The following CTNND2 variants were observed in gnomAD, a reference collection of about 807,000 sequenced individuals.
CTNND2 encodes catenin delta 2.
In CTNND2, 22 loss-of-function variants were observed where a neutral mutation model predicts 144.4. That is an observed-to-expected ratio of 0.15 (90% CI 0.11 to 0.22). The LOEUF (loss-of-function observed/expected upper bound fraction) is 0.22. Ranked by LOEUF, CTNND2 falls within the 10% of genes least tolerant of loss-of-function variation. CTNND2 has a pLI of 1.00. For synonymous variants in CTNND2, 751 were observed against 695.6 expected (o/e 1.08, Z -1.25); for missense variants, 1,353 against 1,618.8 (o/e 0.84, Z 2.82).
intron 3 of CTNND2, among the ~76,000 whole-genome samples, chr5:11,438,155 G>A (rs1459728257): frequency 1.3e-5 from 2 of 152,110 alleles, no homozygotes; most frequent in Non-Finnish European, 2.9e-5. Flanking sequence ...TAGAAAACTA[G>A]GCGAAGAGGA....
At chr5:11,139,191 C>A (rs1369097307) in intron 12 of CTNND2, among the ~76,000 whole-genome samples, 4 of 152,094 alleles carry the variant, frequency 2.6e-5, no homozygotes. Context: ...AAACTCCTGG[C>A]CTCAAGTGAT....
At chr5:11,070,456 C>A (rs1408343471) in intron 16 of CTNND2, among the ~76,000 whole-genome samples, 1 of 152,074 alleles carries the variant, frequency 6.6e-6, no homozygotes, top group African/African-American at 2.4e-5. Context: ...AAATCTTAAA[C>A]TGAAGATCTA....
intron 10 of CTNND2, among the ~76,000 whole-genome samples, chr5:11,209,711 A>G (rs1208725140): frequency 2.6e-5 from 4 of 152,198 alleles, no homozygotes; most frequent in African/African-American, 4.8e-5. Context: ...TCACGAGGTC[A>G]GGAGATTGAG....
intron 12 of CTNND2, among the ~76,000 whole-genome samples, chr5:11,121,634 G>A (rs78464848): frequency 0.014 from 2,100 of 152,064 alleles, 55 homozygotes; most frequent in African/African-American, 0.048. Context: ...TTATTTTAAT[G>A]CAACTAAACT....
At chr5:11,801,049 G>A (rs6554640) in intron 1 of CTNND2, among the ~76,000 whole-genome samples, 147,647 of 152,284 alleles carry the variant, frequency 0.97, 71,718 homozygotes, top group East Asian at 1. Context: ...AATTTCCTAC[G>A]GGAATAATAT....
intron 16 of CTNND2, among the ~76,000 whole-genome samples, chr5:11,054,875 C>T (rs141364384): frequency 6.6e-5 from 10 of 152,256 alleles, no homozygotes; most frequent in Non-Finnish European, 1.5e-4. Flanking sequence ...ACATTTCCAT[C>T]CTCTCCTATT....
chr5:10,986,152 G>A (rs1451217742), intron 20 of CTNND2, among the ~76,000 whole-genome samples: 1 of 152,214 alleles, frequency 6.6e-6, no homozygotes, highest in Non-Finnish European at 1.5e-5. Context: ...AAATAAGTTT[G>A]AAGAATTACA....
intron 9 of CTNND2, among the ~76,000 whole-genome samples, chr5:11,341,571 G>A (rs993850135): frequency 6.6e-6 from 1 of 152,212 alleles, no homozygotes; most frequent in African/African-American, 2.4e-5. Context: ...TTCATCACCT[G>A]AGAGAATTGG....
intron 11 of CTNND2, among the ~76,000 whole-genome samples, chr5:11,167,683 G>C (rs1759471645): frequency 6.7e-6 from 1 of 150,218 alleles, no homozygotes; most frequent in African/African-American, 2.4e-5. Context: ...CAAGAAGCCA[G>C]AAGTCATATT....
chr5:11,355,146 A>C (rs1755728343), intron 8 of CTNND2, among the ~76,000 whole-genome samples: 1 of 152,178 alleles, frequency 6.6e-6, no homozygotes, highest in African/African-American at 2.4e-5. Flanking sequence ...AAAAGAAGAA[A>C]GATTTCTAAT....
chr5:11,204,846 G>C (rs1737875301), intron 10 of CTNND2, among the ~76,000 whole-genome samples: 1 of 152,180 alleles, frequency 6.6e-6, no homozygotes, highest in South Asian at 2.1e-4. Context: ...AAGTTGCTTA[G>C]AGGATAGTGA....
intron 1 of CTNND2, among the ~76,000 whole-genome samples, chr5:11,824,363 C>A (rs370873272): frequency 6.6e-6 from 1 of 152,090 alleles, no homozygotes; most frequent in Admixed American, 6.6e-5. Context: ...ATTAAAGGAG[C>A]GTCAGCAAAT....
At chr5:11,082,943 A>G in intron 15 of CTNND2, 97 bp from the exon 16 acceptor site, 1 of 1,358,668 alleles carries the variant, frequency 7.4e-7, no homozygotes, top group Non-Finnish European at 1.0e-6. Context: ...TACAGGAGCC[A>G]AAAAGGTTGA....
chr5:11,082,974 G>A, intron 15 of CTNND2, 128 bp from the exon 16 acceptor site: 1 of 993,070 alleles, frequency 1.0e-6, no homozygotes, highest in Non-Finnish European at 1.5e-6. Context: ...CCTAGTTGTA[G>A]AATGGGTTGA....
intron 12 of CTNND2, among the ~76,000 whole-genome samples, chr5:11,151,934 T>C (rs1443681943): frequency 6.6e-6 from 1 of 152,122 alleles, no homozygotes; most frequent in Non-Finnish European, 1.5e-5. Flanking sequence ...AGAAAGGCCA[T>C]CTGAAAGAAA....
chr5:11,098,961 T>G (rs941129151), intron 14 of CTNND2, among the ~76,000 whole-genome samples: 17 of 151,200 alleles, frequency 1.1e-4, no homozygotes, highest in Non-Finnish European at 2.2e-4. Context: ...GGGTGGAGGG[T>G]GGGTTGGTGT....
chr5:11,220,771 C>T (rs1006524060), intron 10 of CTNND2, among the ~76,000 whole-genome samples: 7 of 152,188 alleles, frequency 4.6e-5, no homozygotes, highest in South Asian at 4.1e-4. Flanking sequence ...AGTTCAGAGA[C>T]GTTTTGGCTT....
chr5:11,111,875 C>T (rs2149686131), intron 13 of CTNND2, among the ~76,000 whole-genome samples: 1 of 148,944 alleles, frequency 6.7e-6, no homozygotes, highest in South Asian at 2.1e-4. Flanking sequence ...GAGACGGAGT[C>T]TCGCTTTGTC....
intron 12 of CTNND2, among the ~76,000 whole-genome samples, chr5:11,153,965 A>G (rs1460786814): frequency 6.6e-6 from 1 of 151,390 alleles, no homozygotes; most frequent in African/African-American, 2.5e-5. Context: ...ATTAAAAGGT[A>G]AAAAAGTATG....
Sources: gnomAD v4.1 joint callset for allele counts (sites outside exome capture counted in the v4.1 genomes callset) on GRCh38, gnomAD v4.1.1 for gene constraint, MANE v1.5 for transcripts, NCBI Gene and HGNC (gene_info 2026-07-23, HGNC 2026-07-21) for gene names.